Variants in TBC1D31 observed in about 807,000 individuals in gnomAD.
TBC1D31 encodes WD repeat domain 67.
In TBC1D31, 99 loss-of-function variants were observed where a neutral mutation model predicts 132.9. That is an observed-to-expected ratio of 0.74 (90% CI 0.63 to 0.88). TBC1D31 has a LOEUF of 0.88. Ranked by LOEUF, TBC1D31 falls within the 40% of genes least tolerant of loss-of-function variation. TBC1D31 has a pLI of 0.00. For missense variants in TBC1D31, 1,134 were observed against 1,256.6 expected, an observed-to-expected ratio of 0.90 and a Z score of 1.48; for synonymous variants, 385 against 419.4, an observed-to-expected ratio of 0.92 and a Z score of 1.00.
chr8:123,132,816 C>T (rs150180143), intron 16 of TBC1D31, among the ~76,000 whole-genome samples: 224 of 152,108 alleles, frequency 1.5e-3, no homozygotes, highest in African/African-American at 5.3e-3. Flanking sequence ...TTTCAAAATC[C>T]AAGATTTCTT....
At chr8:123,076,281 T>G (rs1273127477) in intron 1 of TBC1D31, among the ~76,000 whole-genome samples, 3 of 152,138 alleles carry the variant, frequency 2.0e-5, no homozygotes, top group Non-Finnish European at 4.4e-5. Flanking sequence ...TTGAAATTTT[T>G]CTGGAGACGT....
chr8:123,157,244 A>T, the TBC1D31 span, among the ~76,000 whole-genome samples: 1 of 152,164 alleles, frequency 6.6e-6, no homozygotes, highest in Non-Finnish European at 1.5e-5. Flanking sequence ...CCGTGTGAGG[A>T]TCGAACTCAC....
At chr8:123,121,040 A>C (rs1392280027) in intron 11 of TBC1D31, among the ~76,000 whole-genome samples, 1 of 139,558 alleles carries the variant, frequency 7.2e-6, no homozygotes, top group African/African-American at 2.7e-5. Context: ...TGCAACCTCC[A>C]CCTCCTGAGT....
At chr8:123,078,302 T>G (rs968173397) in intron 2 of TBC1D31, among the ~76,000 whole-genome samples, 5 of 152,066 alleles carry the variant, frequency 3.3e-5, no homozygotes, top group Admixed American at 6.6e-5. Context: ...GAGGGCCAAG[T>G]TTCTCACTCT....
At chr8:123,124,415 T>C (rs1455588792) in intron 11 of TBC1D31, among the ~76,000 whole-genome samples, 2 of 152,176 alleles carry the variant, frequency 1.3e-5, no homozygotes, top group Non-Finnish European at 2.9e-5. Flanking sequence ...CTACCCATGC[T>C]TTTGTGGTGG....
At chr8:123,120,300 C>A in intron 11 of TBC1D31, 112 bp downstream of exon 11, 1 of 830,118 alleles carries the variant, frequency 1.2e-6, no homozygotes, top group Non-Finnish European at 1.8e-6. Context: ...ACTTTTAAGT[C>A]ACGAAAGTGT....
intron 16 of TBC1D31, 139 bp downstream of exon 16, chr8:123,130,472 C>A: frequency 2.7e-6 from 2 of 751,444 alleles, no homozygotes; most frequent in Non-Finnish European, 1.9e-6. Flanking sequence ...TTTACTTTTC[C>A]CCTCAGCTTT....
chr8:123,121,325 T>A (rs920759919), intron 11 of TBC1D31, among the ~76,000 whole-genome samples: 4 of 150,950 alleles, frequency 2.6e-5, no homozygotes, highest in East Asian at 1.9e-4. Flanking sequence ...TCCCTTTGCG[T>A]AGATTTCCAG....
Position 123,084,373 on chromosome 8 carries a change from C to T in TBC1D31, c.519+33C>T, listed in dbSNP as rs753140935. ...AGGGGGTACATCTTGGTCTGTTGTG[C>T]TTCTCGGGCTAATTTCTTGGTCAAC... On this transcript the variant is annotated intron_variant, in intron 4 of 21. Coordinates refer to ENST00000287380, the MANE Select transcript of TBC1D31 (RefSeq NM_145647.4). 3.8e-6 allele frequency: 6 copies of T among 1,593,414 alleles called. No homozygotes were observed. The African/African-American group carries it at 6.7e-5, about 18-fold the overall frequency.
At chr8:123,112,861 CACTT>C (rs1488975261) in intron 10 of TBC1D31, among the ~76,000 whole-genome samples, 1 of 152,198 alleles carries the variant, frequency 6.6e-6, no homozygotes, top group East Asian at 1.9e-4. Flanking sequence ...TTGGTCTTCA[CACTT>C]ACTATGCTTC....
At chr8:123,115,923 A>G (rs1198631120) in intron 10 of TBC1D31, among the ~76,000 whole-genome samples, 4 of 152,190 alleles carry the variant, frequency 2.6e-5, no homozygotes, top group Non-Finnish European at 5.9e-5. Flanking sequence ...ATCTTCATGG[A>G]TTACAGGGAT....
chr8:123,114,624 T>G (rs975832877), intron 10 of TBC1D31, among the ~76,000 whole-genome samples: 36 of 152,148 alleles, frequency 2.4e-4, no homozygotes, highest in African/African-American at 8.4e-4. Flanking sequence ...ACCCGGCCTG[T>G]GATACAGTAT....
chr8:123,104,302 C>G (rs1334011991), intron 7 of TBC1D31: 2 of 152,010 alleles, frequency 1.3e-5, no homozygotes, highest in Non-Finnish European at 2.9e-5. Context: ...TTAAAATGTT[C>G]CCCAAGCGTA....
chr8:123,092,546 A>G (rs561982315), intron 4 of TBC1D31, among the ~76,000 whole-genome samples: 3 of 152,200 alleles, frequency 2.0e-5, no homozygotes, highest in Non-Finnish European at 2.9e-5. Flanking sequence ...GTGAAAGTAT[A>G]GGGAAAAGAC....
At chr8:123,131,792 C>T (rs909664526) in intron 16 of TBC1D31, among the ~76,000 whole-genome samples, 3 of 152,080 alleles carry the variant, frequency 2.0e-5, no homozygotes, top group African/African-American at 7.2e-5. Context: ...GTACCCACTC[C>T]CTAGTATAGT....
intron 8 of TBC1D31, among the ~76,000 whole-genome samples, chr8:123,108,215 C>T (rs78823946): frequency 0.013 from 1,961 of 152,278 alleles, 40 homozygotes; most frequent in African/African-American, 0.044. Flanking sequence ...ATAAGCAATT[C>T]ACCAAACTTC....
At chr8:123,072,943 G>A (rs908849151) in intron 1 of TBC1D31, 97 bp downstream of exon 1, 2 of 1,267,410 alleles carry the variant, frequency 1.6e-6, no homozygotes, top group African/African-American at 3.0e-5. Context: ...TTCTGGCTCT[G>A]ACCTTGCCCC....
At chr8:123,074,117 C>T (rs907780242) in intron 1 of TBC1D31, among the ~76,000 whole-genome samples, 3 of 151,774 alleles carry the variant, frequency 2.0e-5, no homozygotes, top group Admixed American at 6.6e-5. Context: ...CTGCAACCTC[C>T]GCCTCCCGGG....
In TBC1D31 at chr8:123,150,008, C is replaced by G. The variant is rs369850180; in HGVS notation, c.2975-28C>G. ...AGCCTTTCTACTCACTCCCAAACAT[C>G]ATCTTAATCTCCTCACTTTTATAAC... On this transcript the variant is annotated intron_variant, in intron 20 of 21. Transcript: ENST00000287380. 1.9e-6 allele frequency: 3 copies of G among 1,558,670 alleles called. No individual in the cohort carries two copies. In the East Asian group the frequency reaches 6.7e-5, roughly 35 times the overall value.
Sources: gnomAD v4.1 joint callset for allele counts (sites outside exome capture counted in the v4.1 genomes callset) on GRCh38, gnomAD v4.1.1 for gene constraint, MANE v1.5 for transcripts, NCBI Gene and HGNC (gene_info 2026-07-23, HGNC 2026-07-21) for gene names.